LRRC7: variants seen among roughly 807,000 people sequenced by gnomAD.
LRRC7 encodes the protein leucine-rich repeat-containing protein 7.
In LRRC7, 23 loss-of-function variants were observed where a neutral mutation model predicts 175.7. That is an observed-to-expected ratio of 0.13 (90% CI 0.09 to 0.19). LRRC7 has a LOEUF of 0.19. Ranked by LOEUF, LRRC7 falls within the 10% of genes least tolerant of loss-of-function variation. The pLI, the probability that LRRC7 is intolerant of heterozygous loss-of-function variation, is 1.00. For missense variants in LRRC7, 1,354 were observed against 1,904.7 expected, an observed-to-expected ratio of 0.71 and a Z score of 5.38; for synonymous variants, 685 against 680.9, an observed-to-expected ratio of 1.01 and a Z score of -0.09.
intron 23 of LRRC7, among the ~76,000 whole-genome samples, chr1:70,065,960 G>A (rs760281354): frequency 6.6e-5 from 10 of 151,938 alleles, no homozygotes; most frequent in Non-Finnish European, 1.3e-4. Flanking sequence ...GAATATTTAG[G>A]AGTTAGTTGG....
chr1:69,981,819 C>T (rs1217184777), intron 9 of LRRC7, among the ~76,000 whole-genome samples: 1 of 152,176 alleles, frequency 6.6e-6, no homozygotes, highest in African/African-American at 2.4e-5. Context: ...ATAGCATTTA[C>T]CACGGGCTAA....
intron 2 of LRRC7, among the ~76,000 whole-genome samples, chr1:69,699,778 G>T (rs964538086): frequency 6.6e-5 from 10 of 152,144 alleles, no homozygotes; most frequent in Admixed American, 3.3e-4. Flanking sequence ...AGGAAAACTC[G>T]CACATTTTTT....
intron 3 of LRRC7, among the ~76,000 whole-genome samples, chr1:69,765,779 G>A (rs984294097): frequency 3.9e-5 from 6 of 152,006 alleles, no homozygotes; most frequent in Non-Finnish European, 8.8e-5. Flanking sequence ...TCCTTTCTAA[G>A]ACAAGTTTCC....
intron 2 of LRRC7, among the ~76,000 whole-genome samples, chr1:69,757,326 T>C (rs1314380624): frequency 6.6e-6 from 1 of 151,986 alleles, no homozygotes; most frequent in Non-Finnish European, 1.5e-5. Context: ...GCTCTGCTTT[T>C]AAAGGCTATG....
chr1:70,050,836 G>T (rs1207835942), intron 22 of LRRC7, among the ~76,000 whole-genome samples: 6 of 151,930 alleles, frequency 3.9e-5, no homozygotes, highest in African/African-American at 1.4e-4. Context: ...TGTTTTTAAT[G>T]ATCTTTCTAT....
At chr1:70,078,826 A>ACACG (rs1553200925) in intron 24 of LRRC7, among the ~76,000 whole-genome samples, 113 of 46,830 alleles carry the variant, frequency 2.4e-3, no homozygotes, top group Middle Eastern at 0.045. Flanking sequence ...ACACACACGC[A>ACACG]CACACACACA....
chr1:69,862,163 C>G (rs1324710609), intron 7 of LRRC7, among the ~76,000 whole-genome samples: 2 of 152,150 alleles, frequency 1.3e-5, no homozygotes, highest in Non-Finnish European at 2.9e-5. Flanking sequence ...CATCACCCTT[C>G]TCATTTATAA....
intron 20 of LRRC7, among the ~76,000 whole-genome samples, chr1:70,037,232 C>A (rs1240760077): frequency 6.6e-6 from 1 of 152,170 alleles, no homozygotes; most frequent in Non-Finnish European, 1.5e-5. Context: ...TTTTACACTA[C>A]AAATAGCAAA....
intron 1 of LRRC7, among the ~76,000 whole-genome samples, chr1:69,580,411 T>G (rs1646148219): frequency 6.6e-6 from 1 of 152,174 alleles, no homozygotes. Context: ...TGAGAAAATT[T>G]TATAAGTCTT....
chr1:69,618,388 C>T (rs1650018849), intron 1 of LRRC7, among the ~76,000 whole-genome samples: 1 of 152,134 alleles, frequency 6.6e-6, no homozygotes, highest in Non-Finnish European at 1.5e-5. Flanking sequence ...TTATTTCAGT[C>T]AATTCTGTTT....
chr1:69,978,932 G>GAAAAAAAA (rs3069189), intron 8 of LRRC7, among the ~76,000 whole-genome samples: 1 of 126,146 alleles, frequency 7.9e-6, no homozygotes, highest in Admixed American at 8.1e-5. Context: ...GTTTCAGTTA[G>GAAAAAAAA]AAAAAAAAAA....
intron 1 of LRRC7, among the ~76,000 whole-genome samples, chr1:69,608,848 CTCTCTCTCTCTCTCTCTCTATA>C (rs1331215981): frequency 6.8e-3 from 358 of 52,584 alleles, no homozygotes; most frequent in Admixed American, 0.019. Context: ...CTCTCTCTCT[CTCTCTCTCTCTCTCTCTCTATA>C]TATATATATA....
At chr1:69,775,298 T>C (rs1672689100) in intron 3 of LRRC7, among the ~76,000 whole-genome samples, 1 of 152,226 alleles carries the variant, frequency 6.6e-6, no homozygotes, top group African/African-American at 2.4e-5. Flanking sequence ...TTTTAATAGT[T>C]GTTACTTGGT....
At chr1:69,887,222 T>C (rs1176904153) in intron 7 of LRRC7, among the ~76,000 whole-genome samples, 6 of 125,174 alleles carry the variant, frequency 4.8e-5, no homozygotes, top group Admixed American at 4.0e-4. Context: ...TTTTCCAACT[T>C]GGTTCCATTC....
At chr1:69,754,082 G>A (rs1334061372) in intron 2 of LRRC7, among the ~76,000 whole-genome samples, 1 of 152,000 alleles carries the variant, frequency 6.6e-6, no homozygotes, top group Non-Finnish European at 1.5e-5. Flanking sequence ...TGTGCAATGG[G>A]GCTGGGTGTG....
chr1:69,984,420 GTAAT>G (rs1316065109), intron 9 of LRRC7, among the ~76,000 whole-genome samples: 1 of 152,152 alleles, frequency 6.6e-6, no homozygotes, highest in Non-Finnish European at 1.5e-5. Context: ...ACTCTGTCAA[GTAAT>G]TAGAGATGGT....
intron 7 of LRRC7, among the ~76,000 whole-genome samples, chr1:69,917,137 A>G (rs1335279330): frequency 6.6e-6 from 1 of 152,210 alleles, no homozygotes; most frequent in Non-Finnish European, 1.5e-5. Context: ...TCTCCTTAAG[A>G]TAACTGAGTT....
rs141216309 is a variant in LRRC7 at position 69,684,752 on chromosome 1, A to G, written c.100+6274A>G. Among the ~76,000 whole-genome samples, 1,051 of 152,306 alleles carry G rather than the reference A, an allele frequency of 6.9e-3. 12 individuals are homozygous for G. The highest frequency in any genetic ancestry group is 9.5e-3 in the Non-Finnish European group (644 of 68,028). On this transcript the variant is annotated intron_variant, in intron 2 of 26. Coordinates refer to ENST00000651989, the MANE Select transcript of LRRC7 (RefSeq NM_001370785.2). ...AACAGGCATGAAGAAAAGAAGGAAAAAAAAAGCAAAGCCTACTCGCTCAGT... is the reference window on the plus strand; with the variant it reads ...AACAGGCATGAAGAAAAGAAGGAAAGAAAAAGCAAAGCCTACTCGCTCAGT...
At chr1:70,111,639 T>A (rs1048302036) in intron 26 of LRRC7, among the ~76,000 whole-genome samples, 5 of 152,166 alleles carry the variant, frequency 3.3e-5, no homozygotes, top group Non-Finnish European at 7.4e-5. Context: ...ATTCAAAATA[T>A]ATATGAATAC....
Sources: gnomAD v4.1 joint callset for allele counts (sites outside exome capture counted in the v4.1 genomes callset) on GRCh38, gnomAD v4.1.1 for gene constraint, MANE v1.5 for transcripts, NCBI Gene and HGNC (gene_info 2026-07-23, HGNC 2026-07-21) for gene names.